The following SLC4A4 variants were observed in gnomAD, a reference collection of about 807,000 sequenced individuals.
The protein encoded by SLC4A4 is electrogenic sodium bicarbonate cotransporter 1.
SLC4A4 carries 27 observed loss-of-function variants against 111.5 expected under a neutral mutation model. That is an observed-to-expected ratio of 0.24 (90% CI 0.18 to 0.33). SLC4A4 has a LOEUF of 0.33. Ranked by LOEUF, SLC4A4 falls within the 10% of genes least tolerant of loss-of-function variation. The pLI, the probability that SLC4A4 is intolerant of heterozygous loss-of-function variation, is 1.00. For missense variants in SLC4A4, 909 were observed against 1,315.5 expected (o/e 0.69, Z 4.78); for synonymous variants, 443 against 463.4 (o/e 0.96, Z 0.57).
intron 12 of SLC4A4, 87 bp downstream of exon 12, chr4:71,453,756 T>G: frequency 8.4e-7 from 1 of 1,195,886 alleles, no homozygotes; most frequent in Non-Finnish European, 1.2e-6. Context: ...AGATGGCCTT[T>G]CAGTTACTCA....
chr4:71,493,767 T>C (rs1730154831), intron 15 of SLC4A4, among the ~76,000 whole-genome samples: 1 of 150,580 alleles, frequency 6.6e-6, no homozygotes, highest in Non-Finnish European at 1.5e-5. Context: ...CCAGATTATT[T>C]CTCATCCACT....
At chr4:71,558,924 C>A (rs1322802242) in intron 22 of SLC4A4, among the ~76,000 whole-genome samples, 1 of 151,554 alleles carries the variant, frequency 6.6e-6, no homozygotes, top group African/African-American at 2.4e-5. Flanking sequence ...CTCAAATATA[C>A]CTATTAGTGT....
intron 2 of SLC4A4, among the ~76,000 whole-genome samples, chr4:71,242,883 A>G (rs1427840666): frequency 6.6e-6 from 1 of 152,072 alleles, no homozygotes; most frequent in Non-Finnish European, 1.5e-5. Context: ...ATACTTACCT[A>G]CTGCTTCTTA....
chr4:71,326,120 G>A (rs1043734445), intron 3 of SLC4A4, among the ~76,000 whole-genome samples: 3 of 151,574 alleles, frequency 2.0e-5, no homozygotes, highest in African/African-American at 7.3e-5. Flanking sequence ...CCTTATTCTT[G>A]ATATCCTGGA....
intron 7 of SLC4A4, chr4:71,437,693 C>T: frequency 2.3e-6 from 1 of 441,632 alleles, no homozygotes. Flanking sequence ...CCAACTGATC[C>T]AGTTCCTATA....
chr4:71,277,599 T>C (rs931344289), intron 3 of SLC4A4, among the ~76,000 whole-genome samples: 1 of 148,970 alleles, frequency 6.7e-6, no homozygotes, highest in African/African-American at 2.5e-5. Flanking sequence ...TTTCTTTCTC[T>C]CTCTCTCCTT....
chr4:71,228,479 A>T (rs72648802), intron 1 of SLC4A4, among the ~76,000 whole-genome samples: 1 of 152,350 alleles, frequency 6.6e-6, no homozygotes, highest in Non-Finnish European at 1.5e-5. Context: ...GGATTTATTT[A>T]GGAAATTATT....
chr4:71,448,041 T>C (rs1725391341), intron 9 of SLC4A4, among the ~76,000 whole-genome samples: 1 of 152,172 alleles, frequency 6.6e-6, no homozygotes, highest in Non-Finnish European at 1.5e-5. Context: ...CAAAGTCAGC[T>C]GGGCATGGTG....
intron 11 of SLC4A4, among the ~76,000 whole-genome samples, chr4:71,453,022 C>T (rs1214350925): frequency 1.3e-5 from 2 of 152,152 alleles, no homozygotes; most frequent in Non-Finnish European, 2.9e-5. Context: ...GTTATGTCCT[C>T]AGCACTCAGA....
Position 71,357,123 on chromosome 4 carries a change from G to A in SLC4A4, c.666G>A (p.Arg222=). 2 of 1,614,146 alleles carry A rather than the reference G, an allele frequency of 1.2e-6. No individual in the cohort carries two copies. The highest frequency in any genetic ancestry group is 1.7e-6 in the Non-Finnish European group (2 of 1,180,028). ...HRHQTKKSNL[R]SLADIGKTVS... is the part of the protein sequence containing the mutation. Reference sequence around the variant, plus strand: ...ATCAAACCAAGAAATCCAACCTTCGGTCCCTGGCTGACATTGGGAAGACAG... The same window carrying A: ...ATCAAACCAAGAAATCCAACCTTCGATCCCTGGCTGACATTGGGAAGACAG... Residue 222 remains arginine (R), a synonymous_variant, in exon 6 of 26, where the codon CGG becomes CGA. Coordinates refer to ENST00000264485, the MANE Select transcript of SLC4A4 (RefSeq NM_001098484.3).
In SLC4A4 at chr4:71,546,418, T is replaced by C. The variant is rs150271625; in HGVS notation, c.2511T>C (p.Ala837=). The change falls in exon 19 of 26, where the codon GCT becomes GCC. Residue 837 remains alanine, a synonymous_variant. Coordinates refer to ENST00000264485, the MANE Select transcript of SLC4A4 (RefSeq NM_001098484.3). ...TCATGGTTATATGCTCCCTCATGGC[T>C]CTTCCGTGGTATGTAGCTGCTACGG... ...AILMVICSLM[A]LPWYVAATVI... The C allele has an allele frequency of 3.4e-5, 55 of 1,612,846 alleles. No homozygotes were observed. In the African/African-American group the frequency reaches 6.3e-4, roughly 18 times the overall value.
chr4:71,117,285 A>G (rs978110383), intron 2 of SLC4A4, among the ~76,000 whole-genome samples: 56 of 152,174 alleles, frequency 3.7e-4, no homozygotes, highest in African/African-American at 1.3e-3. Context: ...CCCACCAAAA[A>G]TGTTTTAAAT....
At chr4:71,080,087 T>G (rs1181716976) in intron 1 of SLC4A4, among the ~76,000 whole-genome samples, 1 of 152,028 alleles carries the variant, frequency 6.6e-6, no homozygotes, top group African/African-American at 2.4e-5. Flanking sequence ...AATCCCTTAG[T>G]TTCTCTGACA....
At chr4:71,564,895 A>G (rs1020342810) in intron 24 of SLC4A4, among the ~76,000 whole-genome samples, 10 of 151,908 alleles carry the variant, frequency 6.6e-5, no homozygotes, top group South Asian at 6.2e-4. Context: ...TTCTTACACA[A>G]TTCCTCACAT....
intron 6 of SLC4A4, among the ~76,000 whole-genome samples, chr4:71,376,146 C>T (rs1264755443): frequency 2.0e-5 from 2 of 98,324 alleles, no homozygotes; most frequent in Admixed American, 1.1e-4. Flanking sequence ...CACATATATA[C>T]CTGTATATAT....
chr4:71,096,997 A>T (rs928638137), intron 2 of SLC4A4, among the ~76,000 whole-genome samples: 2 of 152,058 alleles, frequency 1.3e-5, no homozygotes, highest in African/African-American at 4.8e-5. Context: ...AAATACATAT[A>T]ACATAAAATT....
intron 2 of SLC4A4, among the ~76,000 whole-genome samples, chr4:71,096,015 G>A (rs545473423): frequency 6.6e-6 from 1 of 152,222 alleles, no homozygotes; most frequent in East Asian, 1.9e-4. Flanking sequence ...TAAAATGGAA[G>A]GCCTGGAGGA....
intron 3 of SLC4A4, among the ~76,000 whole-genome samples, chr4:71,314,329 A>G (rs1699016188): frequency 6.6e-6 from 1 of 152,138 alleles, no homozygotes; most frequent in Non-Finnish European, 1.5e-5. Flanking sequence ...GGTGGAGTGT[A>G]AATTAGTTCC....
At chr4:71,482,354 A>G (rs576490154) in intron 14 of SLC4A4, among the ~76,000 whole-genome samples, 2 of 151,704 alleles carry the variant, frequency 1.3e-5, no homozygotes, top group East Asian at 3.9e-4. Flanking sequence ...TGGGATTTTG[A>G]GAGCCAATGT....
Sources: gnomAD v4.1 joint callset for allele counts (sites outside exome capture counted in the v4.1 genomes callset) on GRCh38, gnomAD v4.1.1 for gene constraint, MANE v1.5 for transcripts, NCBI Gene and HGNC (gene_info 2026-07-23, HGNC 2026-07-21) for gene names.